The following GAREM1 variants were observed in gnomAD, a reference collection of about 807,000 sequenced individuals.
The protein encoded by GAREM1 is GRB2 associated regulator of MAPK1 subtype 1.
In GAREM1, 26 loss-of-function variants were observed where a neutral mutation model predicts 71.3. The ratio of observed to expected loss-of-function variants is 0.36; its 90% confidence interval spans 0.27 to 0.51. The LOEUF is 0.51. GAREM1 is among the 20% of genes least tolerant of loss of function. GAREM1 has a pLI of 0.95. For synonymous variants in GAREM1, 440 were observed against 433.2 expected, an observed-to-expected ratio of 1.02 and a Z score of -0.20; for missense variants, 1,026 against 1,103.1, an observed-to-expected ratio of 0.93 and a Z score of 0.99.
intron 2 of GAREM1, among the ~76,000 whole-genome samples, chr18:32,371,886 G>GC (rs559743571): frequency 2.6e-5 from 4 of 152,124 alleles, no homozygotes; most frequent in Non-Finnish European, 5.9e-5. Context: ...GCTGGGAAAT[G>GC]CCACTAGATA....
At chr18:32,304,057 A>G (rs8090225) in intron 3 of GAREM1, among the ~76,000 whole-genome samples, 3,911 of 152,136 alleles carry the variant, frequency 0.026, 176 homozygotes, top group African/African-American at 0.087. Flanking sequence ...CTGTAATCCC[A>G]GCACTTTGGG....
chr18:32,457,224 A>AGTGT (rs1309543369), intron 1 of GAREM1, among the ~76,000 whole-genome samples: 2,727 of 107,082 alleles, frequency 0.025, 29 homozygotes, highest in Non-Finnish European at 0.034. Context: ...AGAGAGAGAG[A>AGTGT]GAGTGTGTGT....
chr18:32,458,325 G>A (rs2048917310), intron 1 of GAREM1, among the ~76,000 whole-genome samples: 1 of 151,948 alleles, frequency 6.6e-6, no homozygotes, highest in Admixed American at 6.6e-5. Context: ...TTATATTTGT[G>A]AACACACAAC....
At chr18:32,359,120 CTGCT>C (rs1348746517) in intron 2 of GAREM1, among the ~76,000 whole-genome samples, 5 of 152,274 alleles carry the variant, frequency 3.3e-5, no homozygotes, top group Non-Finnish European at 7.4e-5. Context: ...ACTATGCTGC[CTGCT>C]TTAGTTTTAA....
intron 1 of GAREM1, among the ~76,000 whole-genome samples, chr18:32,417,554 T>A (rs1342985172): frequency 6.6e-6 from 1 of 152,082 alleles, no homozygotes; most frequent in Non-Finnish European, 1.5e-5. Flanking sequence ...AAGAATGAGA[T>A]CCTGTCATCT....
intron 1 of GAREM1, among the ~76,000 whole-genome samples, chr18:32,414,127 A>G (rs1246661333): frequency 6.6e-6 from 1 of 152,180 alleles, no homozygotes; most frequent in East Asian, 1.9e-4. Flanking sequence ...TATAGATAAA[A>G]GGTCGCTATT....
intron 2 of GAREM1, among the ~76,000 whole-genome samples, chr18:32,318,252 T>C (rs956248714): frequency 3.9e-5 from 6 of 152,222 alleles, no homozygotes; most frequent in Non-Finnish European, 5.9e-5. Context: ...CTGTATTTCA[T>C]AACTGACATT....
chr18:32,395,362 T>G (rs1244290063), intron 1 of GAREM1, among the ~76,000 whole-genome samples: 1 of 152,170 alleles, frequency 6.6e-6, no homozygotes, highest in Non-Finnish European at 1.5e-5. Context: ...CCTAGGGCAC[T>G]TACTATTCAA....
At position 32,441,130 on chromosome 18, in the gene GAREM1, T is replaced by C. The variant is rs150127753; in HGVS notation, c.121+29178A>G. ...GACTTAAAAGACATCAAGACTCTAG[T>C]TCCTATGTTTTGAGAGGGAAACAGT... On this transcript the variant is annotated intron_variant, in intron 1 of 5. Transcript: ENST00000269209. Among the ~76,000 whole-genome samples the C allele has an allele frequency of 2.9e-3, 436 of 152,308 alleles. 3 individuals carry two copies. Among genetic ancestry groups the C allele is most frequent in the Middle Eastern group, 0.017 (5 of 294 alleles).
At chr18:32,462,062 T>C (rs889524364) in intron 1 of GAREM1, among the ~76,000 whole-genome samples, 7 of 152,260 alleles carry the variant, frequency 4.6e-5, no homozygotes, top group Admixed American at 1.3e-4. Flanking sequence ...ATGAACTGAA[T>C]GTCTTAAGAT....
chr18:32,443,292 GACT>G (rs1466173859), intron 1 of GAREM1, among the ~76,000 whole-genome samples: 3 of 152,108 alleles, frequency 2.0e-5, no homozygotes, highest in African/African-American at 7.2e-5. Context: ...AACTAAATTA[GACT>G]TCTTTAAAAT....
intron 2 of GAREM1, among the ~76,000 whole-genome samples, chr18:32,341,286 T>C (rs1044923982): frequency 5.3e-5 from 8 of 152,342 alleles, no homozygotes; most frequent in African/African-American, 1.9e-4. Context: ...GCTTCATCCA[T>C]GTCCCTACAA....
At chr18:32,268,868 G>A in intron 5 of GAREM1, 100 bp from the exon 6 acceptor site, 1 of 967,824 alleles carries the variant, frequency 1.0e-6, no homozygotes, top group Non-Finnish European at 1.5e-6. Flanking sequence ...GAAAAGCGCA[G>A]TTAGTTTTGA....
At chr18:32,381,221 C>T (rs1251107963) in intron 2 of GAREM1, among the ~76,000 whole-genome samples, 1 of 152,044 alleles carries the variant, frequency 6.6e-6, no homozygotes, top group African/African-American at 2.4e-5. Flanking sequence ...ACATTCTTGC[C>T]ATCTAGAGGT....
intron 2 of GAREM1, among the ~76,000 whole-genome samples, chr18:32,351,701 CTT>C (rs60133649): frequency 1.1e-3 from 163 of 144,664 alleles, no homozygotes; most frequent in African/African-American, 2.8e-3. Flanking sequence ...TACCCTCTCT[CTT>C]TTTTTTTTTT....
intron 2 of GAREM1, among the ~76,000 whole-genome samples, chr18:32,348,819 A>G (rs907012042): frequency 3.3e-5 from 5 of 152,194 alleles, no homozygotes; most frequent in African/African-American, 1.2e-4. Flanking sequence ...AAAAAATCAA[A>G]TATGTTTATA....
At chr18:32,387,039 A>G (rs1405952897) in intron 2 of GAREM1, among the ~76,000 whole-genome samples, 1 of 151,932 alleles carries the variant, frequency 6.6e-6, no homozygotes, top group African/African-American at 2.4e-5. Flanking sequence ...TTTTTTAAAA[A>G]AAAATCACAT....
chr18:32,321,315 C>G (rs1171232068), intron 2 of GAREM1, among the ~76,000 whole-genome samples: 1 of 152,184 alleles, frequency 6.6e-6, no homozygotes. Context: ...ACTCTTTCTC[C>G]TTTGCCTTTG....
chr18:32,467,322 A>T (rs546859293), intron 1 of GAREM1, among the ~76,000 whole-genome samples: 1 of 152,312 alleles, frequency 6.6e-6, no homozygotes, highest in South Asian at 2.1e-4. Context: ...GCTCTCAGAG[A>T]GACAGTGAAC....
Sources: gnomAD v4.1 joint callset for allele counts (sites outside exome capture counted in the v4.1 genomes callset) on GRCh38, gnomAD v4.1.1 for gene constraint, MANE v1.5 for transcripts, NCBI Gene and HGNC (gene_info 2026-07-23, HGNC 2026-07-21) for gene names.